PDCD2: variants seen among roughly 807,000 people sequenced by gnomAD.
The protein encoded by PDCD2 is programmed cell death 2, also known as uS5 assembly chaperone PDCD2.
PDCD2 carries 38 observed loss-of-function variants against 38.1 expected under a neutral mutation model. The observed-to-expected ratio is 1.00, with a 90% CI of 0.77 to 1.31. PDCD2 has a LOEUF of 1.31. PDCD2 is among the 50% of genes most tolerant of loss of function. The pLI is 0.00. For synonymous variants in PDCD2, 205 were observed against 168.9 expected, an observed-to-expected ratio of 1.21 and a Z score of -1.66; for missense variants, 473 against 435.7, an observed-to-expected ratio of 1.09 and a Z score of -0.76.
chr6:170,578,473 C>A, intron 5 of PDCD2: 1 of 600,336 alleles, frequency 1.7e-6, no homozygotes, highest in Non-Finnish European at 2.9e-6. Context: ...ACAGTAAAGA[C>A]TCCTCTCATA....
intron 3 of PDCD2, chr6:170,581,190 T>C (rs983073814): frequency 6.6e-6 from 1 of 152,210 alleles, no homozygotes; most frequent in African/African-American, 2.4e-5. Context: ...GTTTCAACAC[T>C]ATCAAGTCCA....
intron 5 of PDCD2, among the ~76,000 whole-genome samples, chr6:170,578,165 T>C (rs936220055): frequency 4.1e-5 from 4 of 98,108 alleles, no homozygotes; most frequent in African/African-American, 2.2e-4. Flanking sequence ...ATAGGCAGAA[T>C]AGCCACCTGA....
intron 3 of PDCD2, among the ~76,000 whole-genome samples, chr6:170,580,339 C>T (rs893862813): frequency 2.0e-5 from 3 of 152,170 alleles, no homozygotes; most frequent in African/African-American, 7.2e-5. Context: ...TAGGACTGCC[C>T]AGCACATCAC....
At chr6:170,582,189 C>G (rs1298764985) in intron 3 of PDCD2, 1 of 1,492,300 alleles carries the variant, frequency 6.7e-7, no homozygotes, top group Non-Finnish European at 9.0e-7. Context: ...TGGACTTTAA[C>G]TTCCCCAGAT....
chr6:170,583,016 A>G, intron 3 of PDCD2, 41 bp downstream of exon 3: 1 of 1,592,090 alleles, frequency 6.3e-7, no homozygotes, highest in African/African-American at 1.4e-5. Flanking sequence ...TCCAAGTATT[A>G]TGTTTAACCA....
At position 170,584,375 on chromosome 6, in the gene PDCD2, A is replaced by G. The variant is rs780328713; in HGVS notation, c.207T>C (p.Pro69=). 9 of 1,492,196 alleles carry G rather than the reference A, an allele frequency of 6.0e-6. No individual in the cohort carries two copies. In the East Asian group the frequency reaches 1.6e-4, roughly 27 times the overall value. The allele number at this position is 1,492,196 out of a possible 1,614,324, so 92.4% of individuals were successfully genotyped here. A position where few individuals can be genotyped will look rare whatever the true frequency, so the allele number is the denominator to read the frequency against. The change falls in exon 1 of 6, where the codon CCT becomes CCC. Residue 69 remains proline, a synonymous_variant. Coordinates refer to ENST00000541970, the MANE Select transcript of PDCD2 (RefSeq NM_002598.4). ...SFLLQVYAPL[P]GRPDAFHRCI... is the part of the protein sequence containing the mutation. ...AGCGGTGGAAGGCGTCCGGGCGGCC[A>G]GGCAGCGGCGCATACACCTGCAGCA...
intron 3 of PDCD2, chr6:170,581,791 T>C (rs1779607152): frequency 5.3e-6 from 1 of 190,320 alleles, no homozygotes; most frequent in Non-Finnish European, 1.1e-5. Context: ...GTTACATTCT[T>C]TTCATTCTCA....
chr6:170,581,981 T>C (rs914741558), intron 3 of PDCD2: 7 of 736,058 alleles, frequency 9.5e-6, no homozygotes, highest in African/African-American at 5.4e-5. Context: ...ACATTTACAC[T>C]AACAAGGCAT....
intron 4 of PDCD2, 116 bp from the exon 5 acceptor site, chr6:170,579,086 G>T: frequency 1.6e-6 from 1 of 636,908 alleles, no homozygotes; most frequent in Non-Finnish European, 2.7e-6. Flanking sequence ...TGACCCAAAA[G>T]GCATGTCACA....
In PDCD2 at chr6:170,580,023, C is replaced by T; in HGVS notation, c.741G>A (p.Gln247=). Residue 247 remains glutamine, a synonymous_variant, in exon 4 of 6, where the codon CAG becomes CAA. Transcript: ENST00000541970. ...TTACCTGTTCTGGTTCAAGGGCTAT[C>T]TGAGTTTTAAACTTCTGAAAAATTT... ...EDKIFQKFKT[Q]IALEPEQILR... The T allele has an allele frequency of 6.3e-7, 1 of 1,599,706 alleles. No individual in the cohort carries two copies. The highest frequency in any genetic ancestry group is 1.1e-5 in the South Asian group (1 of 90,760).
chr6:170,580,371 C>T (rs1364752782), intron 3 of PDCD2, among the ~76,000 whole-genome samples: 1 of 152,156 alleles, frequency 6.6e-6, no homozygotes. Context: ...CAAATGTGAG[C>T]CCTTATCATT....
In PDCD2 at chr6:170,583,574, A is replaced by C; in HGVS notation, c.457T>G (p.Tyr153Asp). 2 of 1,613,908 alleles carry C rather than the reference A, an allele frequency of 1.2e-6. No homozygotes were observed. Among genetic ancestry groups the C allele is most frequent in the Non-Finnish European group, 8.5e-7 (1 of 1,179,836 alleles). Residue 153 changes from tyrosine (Y) to aspartate (D), a missense_variant, in exon 2 of 6, where the codon TAT becomes GAT. Coordinates refer to ENST00000541970, the MANE Select transcript of PDCD2 (RefSeq NM_002598.4). ...PKTCSRCHKAYYCSKEHQTLD... is the reference protein window; with the variant it reads ...PKTCSRCHKADYCSKEHQTLD... ...GTCTGATGCTCCTTGCTGCAGTAAT[A>C]TGCTTTGTGGCATCTGGAGCACGTT...
chr6:170,580,664 G>A (rs556217861), intron 3 of PDCD2, among the ~76,000 whole-genome samples: 25 of 152,164 alleles, frequency 1.6e-4, no homozygotes, highest in Admixed American at 5.2e-4. Flanking sequence ...GCAGTGAACC[G>A]AGATGGTGAC....
chr6:170,583,104 G>A lies in PDCD2; in HGVS notation c.611C>T (p.Pro204Leu). 1 of 1,612,766 alleles carries A rather than the reference G, an allele frequency of 6.2e-7. No homozygotes were observed. The highest frequency in any genetic ancestry group is 1.1e-5 in the South Asian group (1 of 91,014). Residue 204 changes from proline (P) to leucine (L), a missense_variant, in exon 3 of 6, where the codon CCT becomes CTT. Physicochemically the swap from Pro to Leu is moderately conservative, Grantham distance 98. Transcript: ENST00000541970. ...GTAATCTTCCTTTTCCACAACCTCAGGCATAATCTCATCTTCTGTTTCTAT... is the reference window on the plus strand; with the variant it reads ...GTAATCTTCCTTTTCCACAACCTCAAGCATAATCTCATCTTCTGTTTCTAT... Reference protein sequence around the residue: ...IVIETEDEIMPEVVEKEDYSE... With the variant: ...IVIETEDEIMLEVVEKEDYSE...
Position 170,584,525 on chromosome 6 carries a change from C to A in PDCD2, c.57G>T (p.Ala19=). 7.3e-7 allele frequency: 1 copy of A among 1,364,984 alleles called. No individual in the cohort carries two copies. The highest frequency in any genetic ancestry group is 1.5e-5 in the African/African-American group (1 of 65,940). The allele number at this position is 1,364,984 out of a possible 1,614,324, so 84.6% of individuals were successfully genotyped here. ...VELGFAESAP[A]WRLRSEQFPS... ...GGAACTGCTCGCTGCGCAGTCGCCA[C>A]GCCGGCGCCGACTCGGCGAAGCCCA... is the stretch of plus-strand genomic sequence containing the variant. Residue 19 remains alanine (A), a synonymous_variant, in exon 1 of 6, where the codon GCG becomes GCT. Transcript: ENST00000541970.
chr6:170,583,449 T>A, intron 2 of PDCD2, 56 bp downstream of exon 2: 3 of 1,554,824 alleles, frequency 1.9e-6, no homozygotes, highest in South Asian at 2.4e-5. Flanking sequence ...CCTGGAAATA[T>A]CTGGGTTGAC....
chr6:170,578,707 G>A (rs551076368), intron 5 of PDCD2, 150 bp downstream of exon 5: 1 of 712,738 alleles, frequency 1.4e-6, no homozygotes, highest in East Asian at 2.7e-5. Context: ...CTAGCCCCAA[G>A]GTGAGGCAGG....
rs146748595 is a variant in PDCD2 at position 170,577,638 on chromosome 6, G to A, written c.956C>T (p.Thr319Ile). ...ACCCAAGCTGCAGCTCTCAGCACAGGTGAAGACAGCCAGGATGCCCCAGTC... is the reference window on the plus strand; with the variant it reads ...ACCCAAGCTGCAGCTCTCAGCACAGATGAAGACAGCCAGGATGCCCCAGTC... ...SIDWGILAVF[T>I]CAESCSLGTG... Residue 319 changes from threonine to isoleucine, a missense_variant, in exon 6 of 6, where the codon ACC becomes ATC. Physicochemically the swap from Thr to Ile is moderately conservative, Grantham distance 89. Transcript: ENST00000541970. 12 of 1,613,874 alleles carry A rather than the reference G, an allele frequency of 7.4e-6. No homozygotes were observed. Among genetic ancestry groups the A allele is most frequent in the African/African-American group, 1.3e-5 (1 of 74,896 alleles).
At chr6:170,583,366 T>C in intron 2 of PDCD2, 139 bp downstream of exon 2, 1 of 1,052,892 alleles carries the variant, frequency 9.5e-7, no homozygotes, top group South Asian at 1.7e-5. Context: ...CTTTTTTTTT[T>C]TTTTACAAAG....
Sources: allele counts gnomAD v4.1 joint callset (sites outside exome capture counted in the v4.1 genomes callset), GRCh38; gene constraint gnomAD v4.1.1; transcripts MANE v1.5; gene names NCBI Gene and HGNC (gene_info 2026-07-23, HGNC 2026-07-21).